The following UTP23 variants were observed in gnomAD, a reference collection of about 807,000 sequenced individuals.
The protein encoded by UTP23 is UTP23 small subunit processome component, also known as rRNA-processing protein UTP23 homolog.
In UTP23, 10 loss-of-function variants were observed where a neutral mutation model predicts 19.8. That is an observed-to-expected ratio of 0.50 (90% CI 0.31 to 0.86). The LOEUF is 0.86. UTP23 is among the 40% of genes least tolerant of loss of function. The pLI, the probability that UTP23 is intolerant of heterozygous loss-of-function variation, is 0.05. For missense variants in UTP23, 282 were observed against 293.1 expected (o/e 0.96, Z 0.28); for synonymous variants, 108 against 105.4 (o/e 1.02, Z -0.15).
At position 116,766,919 on chromosome 8, in the gene UTP23, G is replaced by A. The variant is rs769815784; in HGVS notation, c.188+128G>A. The A allele has an allele frequency of 2.0e-5, 18 of 920,114 alleles. No individual in the cohort carries two copies. The Admixed American group carries it at 4.8e-4, about 24-fold the overall frequency. 57.0% of individuals were successfully genotyped at this position (920,114 alleles called of 1,614,324 possible). A position where few individuals can be genotyped will look rare whatever the true frequency, so the allele number is the denominator to read the frequency against. On this transcript the variant is annotated intron_variant, in intron 1 of 2. Transcript: ENST00000309822. ...ACGCCCCGCCCACGTGGAGTTGACA[G>A]TTAAGTGGAGAGGTGAAGGTGGTCA...
intron 1 of UTP23, among the ~76,000 whole-genome samples, chr8:116,768,986 T>G (rs1815618954): frequency 6.6e-6 from 1 of 152,124 alleles, no homozygotes; most frequent in African/African-American, 2.4e-5. Flanking sequence ...TTTTGGCAGT[T>G]TCCCCTCCCT....
rs1292618734 is a variant in UTP23 at position 116,772,694 on chromosome 8, CA to C, written c.*857del. The C allele has an allele frequency of 4.1e-6, 4 of 984,796 alleles. No individual in the cohort carries two copies. Among genetic ancestry groups the C allele is most frequent in the African/African-American group, 1.7e-5 (1 of 57,170 alleles). 61.0% of individuals were successfully genotyped at this position (984,796 alleles called of 1,614,324 possible). Reference sequence around the variant, plus strand: ...AATGTTAACTTCAATAGCAAGAATTCAAAAATAATATTCTCTTTGAGATTGA... The same window carrying C: ...AATGTTAACTTCAATAGCAAGAATTCAAAATAATATTCTCTTTGAGATTGA... On this transcript the variant is annotated 3_prime_UTR_variant, in exon 3 of 3. Coordinates refer to ENST00000309822, the MANE Select transcript of UTP23 (RefSeq NM_032334.3).
chr8:116,770,118 A>C (rs1815631336), intron 1 of UTP23, 74 bp from the exon 2 acceptor site: 3 of 1,381,600 alleles, frequency 2.2e-6, no homozygotes, highest in Non-Finnish European at 2.9e-6. Context: ...TTTTATTTTA[A>C]GAAAAAATCG....
Position 116,771,876 on chromosome 8 carries a change from G to T in UTP23, c.*34G>T. Reference sequence around the variant, plus strand: ...GATACTTTCAAGGACATTCAAATGTGAAAATGAATTTTTTACAACTAGAAG... The same window carrying T: ...GATACTTTCAAGGACATTCAAATGTTAAAATGAATTTTTTACAACTAGAAG... On this transcript the variant is annotated 3_prime_UTR_variant, in exon 3 of 3. Transcript: ENST00000309822. The T allele has an allele frequency of 1.3e-6, 2 of 1,499,232 alleles. No individual in the cohort carries two copies. Among genetic ancestry groups the T allele is most frequent in the South Asian group, 1.4e-5 (1 of 71,478 alleles). 92.9% of individuals were successfully genotyped at this position (1,499,232 alleles called of 1,614,324 possible).
Position 116,773,060 on chromosome 8 carries a change from T to C in UTP23, c.*1218T>C, listed in dbSNP as rs969942322. Reference sequence around the variant, plus strand: ...TATTCCCATAGAAATGTCATTCTCATTTGAATTCAGAGATACTTCTTTGCT... The same window carrying C: ...TATTCCCATAGAAATGTCATTCTCACTTGAATTCAGAGATACTTCTTTGCT... On this transcript the variant is annotated 3_prime_UTR_variant, in exon 3 of 3. Transcript: ENST00000309822. 1.7e-6 allele frequency: 1 copy of C among 588,390 alleles called. No homozygotes were observed. The highest frequency in any genetic ancestry group is 2.6e-5 in the African/African-American group (1 of 37,934). 36.4% of individuals were successfully genotyped at this position (588,390 alleles called of 1,614,324 possible). A position where few individuals can be genotyped will look rare whatever the true frequency, so the allele number is the denominator to read the frequency against.
At chr8:116,770,555 CT>C in intron 2 of UTP23, 189 bp downstream of exon 2, 1 of 513,510 alleles carries the variant, frequency 1.9e-6, no homozygotes, top group Non-Finnish European at 3.2e-6. Flanking sequence ...TGTTGATATT[CT>C]TTTTAGTAGT....
At position 116,772,117 on chromosome 8, in the gene UTP23, G is replaced by A. The variant is rs948431686; in HGVS notation, c.*275G>A. On this transcript the variant is annotated 3_prime_UTR_variant, in exon 3 of 3. Transcript: ENST00000309822. ...GAATCGCTTGAACCTGGGAGGCAGA[G>A]ATTGCAGTGAGCCCAGTTCGTGTCA... 2.1e-5 allele frequency: 23 copies of A among 1,080,092 alleles called. No homozygotes were observed. The highest frequency in any genetic ancestry group is 2.5e-5 in the Non-Finnish European group (22 of 889,970). 66.9% of individuals were successfully genotyped at this position (1,080,092 alleles called of 1,614,324 possible).
chr8:116,771,140 C>T lies in UTP23; in HGVS notation c.364-316C>T, dbSNP rs148527375. ...TTTAACCTCTTTAAGCATTCTTGACCCTTTCCAAAGAATATCTTAGAGTGG... is the reference window on the plus strand; with the variant it reads ...TTTAACCTCTTTAAGCATTCTTGACTCTTTCCAAAGAATATCTTAGAGTGG... On this transcript the variant is annotated intron_variant, in intron 2 of 2. Transcript: ENST00000309822. Among the ~76,000 whole-genome samples, 24 of 152,246 alleles carry T rather than the reference C, an allele frequency of 1.6e-4. No homozygotes were observed. The East Asian group carries it at 4.6e-3, about 29-fold the overall frequency.
chr8:116,766,566 C>A lies in UTP23; in HGVS notation c.-38C>A. The A allele has an allele frequency of 6.3e-7, 1 of 1,587,754 alleles. No individual in the cohort carries two copies. Among genetic ancestry groups the A allele is most frequent in the South Asian group, 1.1e-5 (1 of 87,590 alleles). On this transcript the variant is annotated 5_prime_UTR_variant, in exon 1 of 3. Coordinates refer to ENST00000309822, the MANE Select transcript of UTP23 (RefSeq NM_032334.3). ...GGCGTGCGTGAGGCGTTTACTGATG[C>A]TTCCTGGTCCGGTGGCCTCGGTCCC...
Position 116,772,458 on chromosome 8 carries a change from C to A in UTP23, c.*616C>A. The A allele has an allele frequency of 1.0e-6, 1 of 955,994 alleles. No individual in the cohort carries two copies. The highest frequency in any genetic ancestry group is 1.2e-6 in the Non-Finnish European group (1 of 803,322). The allele number at this position is 955,994 out of a possible 1,614,324, so 59.2% of individuals were successfully genotyped here. On this transcript the variant is annotated 3_prime_UTR_variant, in exon 3 of 3. Coordinates refer to ENST00000309822, the MANE Select transcript of UTP23 (RefSeq NM_032334.3). ...ATATTTCCAAATTGTATGATTATAC[C>A]GCTACTTTTTGATACATCAATTATT...
Position 116,771,282 on chromosome 8 carries a change from G to A in UTP23, c.364-174G>A, listed in dbSNP as rs889324991. Among the ~76,000 whole-genome samples the A allele has an allele frequency of 5.9e-5, 9 of 152,218 alleles. 1 individual carries two copies. The East Asian group carries it at 1.2e-3, about 20-fold the overall frequency. On this transcript the variant is annotated intron_variant, in intron 2 of 2. Coordinates refer to ENST00000309822, the MANE Select transcript of UTP23 (RefSeq NM_032334.3). ...TACTAACACTGTGCTCAGTTTTTAT[G>A]TTTTTCTTCCTTTATCATGAAATAT...
Position 116,766,706 on chromosome 8 carries a change from T to C in UTP23, c.103T>C (p.Cys35Arg). ...PYQILLDGTF[C>R]QAALRGRIQL... ...CCAGATCCTGCTGGACGGCACCTTCTGTCAGGCGGCGCTGCGGGGCCGCAT... is the reference window on the plus strand; with the variant it reads ...CCAGATCCTGCTGGACGGCACCTTCCGTCAGGCGGCGCTGCGGGGCCGCAT... The change falls in exon 1 of 3, where the codon TGT becomes CGT. Residue 35 changes from cysteine (C) to arginine (R), a missense_variant. Transcript: ENST00000309822. The C allele has an allele frequency of 1.2e-6, 2 of 1,612,980 alleles. No individual in the cohort carries two copies. Among genetic ancestry groups the C allele is most frequent in the Non-Finnish European group, 8.5e-7 (1 of 1,179,540 alleles).
rs1353126867 is a variant in UTP23 at position 116,772,016 on chromosome 8, C to T, written c.*174C>T. 1.3e-5 allele frequency: 17 copies of T among 1,293,642 alleles called. No homozygotes were observed. In the Middle Eastern group the frequency reaches 8.9e-4, roughly 67 times the overall value. 80.1% of individuals were successfully genotyped at this position (1,293,642 alleles called of 1,614,324 possible). A position where few individuals can be genotyped will look rare whatever the true frequency, so the allele number is the denominator to read the frequency against. On this transcript the variant is annotated 3_prime_UTR_variant, in exon 3 of 3. Coordinates refer to ENST00000309822, the MANE Select transcript of UTP23 (RefSeq NM_032334.3). ...TAGCCAGCATGGCAAAACCCCATCTCTACTAAAATACAAAAATTAGCTGGG... is the reference window on the plus strand; with the variant it reads ...TAGCCAGCATGGCAAAACCCCATCTTTACTAAAATACAAAAATTAGCTGGG...
In UTP23 at chr8:116,772,025, T is replaced by C. The variant is rs1815664025; in HGVS notation, c.*183T>C. ...TGGCAAAACCCCATCTCTACTAAAA[T>C]ACAAAAATTAGCTGGGCATGATGGT... On this transcript the variant is annotated 3_prime_UTR_variant, in exon 3 of 3. Transcript: ENST00000309822. 1 of 1,273,032 alleles carries C rather than the reference T, an allele frequency of 7.9e-7. No homozygotes were observed. Among genetic ancestry groups the C allele is most frequent in the Non-Finnish European group, 9.9e-7 (1 of 1,009,802 alleles). 78.9% of individuals were successfully genotyped at this position (1,273,032 alleles called of 1,614,324 possible).
Position 116,770,167 on chromosome 8 carries a change from T to C in UTP23, c.189-25T>C, listed in dbSNP as rs1230955164. 5.2e-6 allele frequency: 8 copies of C among 1,550,692 alleles called. No individual in the cohort carries two copies. The Middle Eastern group carries it at 5.2e-4, about 100-fold the overall frequency. On this transcript the variant is annotated intron_variant, in intron 1 of 2. Coordinates refer to ENST00000309822, the MANE Select transcript of UTP23 (RefSeq NM_032334.3). Reference sequence around the variant, plus strand: ...ACACCTTATGTAAACAAGTGAAATGTATCTGCTATAATTTTTCTTTTCAGA... The same window carrying C: ...ACACCTTATGTAAACAAGTGAAATGCATCTGCTATAATTTTTCTTTTCAGA...
In UTP23 at chr8:116,772,346, A is replaced by C; in HGVS notation, c.*504A>C. On this transcript the variant is annotated 3_prime_UTR_variant, in exon 3 of 3. Transcript: ENST00000309822. ...CAGTTTTAAAAAATCTTACAGTTCT[A>C]AAAGGCTTGTGACAAAAAAAGAGGC... The C allele has an allele frequency of 1.0e-6, 1 of 985,246 alleles. No homozygotes were observed. The highest frequency in any genetic ancestry group is 1.7e-5 in the African/African-American group (1 of 57,358). The allele number at this position is 985,246 out of a possible 1,614,324, so 61.0% of individuals were successfully genotyped here. A position where few individuals can be genotyped will look rare whatever the true frequency, so the allele number is the denominator to read the frequency against.
intron 1 of UTP23, 88 bp downstream of exon 1, chr8:116,766,879 C>A: frequency 7.5e-7 from 1 of 1,330,048 alleles, no homozygotes; most frequent in Non-Finnish European, 1.0e-6. Context: ...TCATTGCGAG[C>A]TCAGGAGGTG....
chr8:116,773,228 T>C lies in UTP23; in HGVS notation c.*1386T>C, dbSNP rs1426618301. ...TTTTTAATAAGGAAGGTAAAAATAC[T>C]GGAAAAAAGTGAATAGTGTAGGTTT... On this transcript the variant is annotated 3_prime_UTR_variant, in exon 3 of 3. Transcript: ENST00000309822. 7.1e-6 allele frequency: 7 copies of C among 985,294 alleles called. No individual in the cohort carries two copies. The highest frequency in any genetic ancestry group is 8.4e-6 in the Non-Finnish European group (7 of 829,932). 61.0% of individuals were successfully genotyped at this position (985,294 alleles called of 1,614,324 possible). A position where few individuals can be genotyped will look rare whatever the true frequency, so the allele number is the denominator to read the frequency against.
intron 1 of UTP23, among the ~76,000 whole-genome samples, chr8:116,768,631 A>G (rs1243126125): frequency 6.6e-6 from 1 of 152,214 alleles, no homozygotes; most frequent in Non-Finnish European, 1.5e-5. Flanking sequence ...CTAAATACAT[A>G]TATTACATTT....
Sources: allele counts gnomAD v4.1 joint callset (sites outside exome capture counted in the v4.1 genomes callset), GRCh38; gene constraint gnomAD v4.1.1; transcripts MANE v1.5; gene names NCBI Gene and HGNC (gene_info 2026-07-23, HGNC 2026-07-21).